PALLD: variants seen among roughly 807,000 people sequenced by gnomAD.
PALLD encodes palladin, cytoskeletal associated protein.
PALLD carries 61 observed loss-of-function variants against 123.5 expected under a neutral mutation model. The ratio of observed to expected loss-of-function variants is 0.49; its 90% CI spans 0.40 to 0.61. The LOEUF (loss-of-function observed/expected upper bound fraction) is 0.61. Among genes scored for constraint, PALLD ranks in the 20% least tolerant of loss-of-function variants. The pLI, the probability that PALLD is intolerant of heterozygous loss-of-function variation, is 0.00. For missense variants in PALLD, 1,273 were observed against 1,377.0 expected, an observed-to-expected ratio of 0.92 and a Z score of 1.20; for synonymous variants, 465 against 496.4, an observed-to-expected ratio of 0.94 and a Z score of 0.84.
At chr4:168,740,546 A>G (rs1788223063) in intron 10 of PALLD, among the ~76,000 whole-genome samples, 1 of 152,172 alleles carries the variant, frequency 6.6e-6, no homozygotes, top group Non-Finnish European at 1.5e-5. Context: ...TCAATCTTGC[A>G]GGCGCTTTCA....
chr4:168,559,437 C>A (rs548559876), intron 2 of PALLD, among the ~76,000 whole-genome samples: 2 of 152,124 alleles, frequency 1.3e-5, no homozygotes, highest in Non-Finnish European at 2.9e-5. Flanking sequence ...TATGCCCCCA[C>A]CTTGACACTG....
chr4:168,524,297 G>C (rs1234047757), intron 2 of PALLD, among the ~76,000 whole-genome samples: 1 of 152,096 alleles, frequency 6.6e-6, no homozygotes, highest in Non-Finnish European at 1.5e-5. Flanking sequence ...GTATCTAGTG[G>C]TGATTTCATG....
intron 10 of PALLD, among the ~76,000 whole-genome samples, chr4:168,748,848 A>C (rs1311024731): frequency 6.6e-6 from 1 of 152,162 alleles, no homozygotes; most frequent in Non-Finnish European, 1.5e-5. Flanking sequence ...ACAGTGTGGC[A>C]ATTTGCTGCT....
At chr4:168,917,145 T>C (rs1415784265) in intron 17 of PALLD, among the ~76,000 whole-genome samples, 10 of 149,276 alleles carry the variant, frequency 6.7e-5, no homozygotes, top group African/African-American at 9.9e-5. Flanking sequence ...ACCTCCCAGG[T>C]TCAAGTGATT....
chr4:168,681,754 T>G (rs1057065970), intron 4 of PALLD, among the ~76,000 whole-genome samples: 2 of 151,898 alleles, frequency 1.3e-5, no homozygotes, highest in Non-Finnish European at 2.9e-5. Flanking sequence ...CACTGTGTTG[T>G]CCAGGCTCAT....
intron 10 of PALLD, among the ~76,000 whole-genome samples, chr4:168,761,660 T>TTTTTTTG (rs1732930435): frequency 8.8e-5 from 11 of 125,140 alleles, no homozygotes; most frequent in Non-Finnish European, 3.3e-5. Context: ...TTTTTTTTTT[T>TTTTTTTG]TTTTTTTTTT....
chr4:168,511,918 A>AAAGGCTGAAAAGCGT lies in PALLD; in HGVS notation c.415_429dup (p.Lys139_Arg143dup). On this transcript the variant is annotated inframe_insertion, in exon 2 of 22. Coordinates refer to ENST00000505667, the MANE Select transcript of PALLD (RefSeq NM_001166108.2). ...GGCCCAGCTACATCCGGAGCCTCCG[A>AAAGGCTGAAAAGCGT]AAGGCTGAAAAGCGTGGTGCAAAAA... 2 of 1,614,214 alleles carry AAAGGCTGAAAAGCGT rather than the reference A, an allele frequency of 1.2e-6. No homozygotes were observed. The highest frequency in any genetic ancestry group is 1.7e-6 in the Non-Finnish European group (2 of 1,180,032).
intron 2 of PALLD, among the ~76,000 whole-genome samples, chr4:168,585,885 T>C (rs529701669): frequency 6.6e-6 from 1 of 152,312 alleles, no homozygotes; most frequent in Admixed American, 6.5e-5. Flanking sequence ...ATTAAAGTAT[T>C]GGATCCAGGG....
chr4:168,670,780 A>T (rs1324220093), intron 3 of PALLD, among the ~76,000 whole-genome samples: 1 of 136,836 alleles, frequency 7.3e-6, no homozygotes, highest in African/African-American at 3.1e-5. Context: ...AAAAACAAAA[A>T]AAAAAAAACA....
intron 4 of PALLD, among the ~76,000 whole-genome samples, chr4:168,682,524 C>T (rs1395694064): frequency 2.0e-5 from 3 of 151,974 alleles, no homozygotes; most frequent in East Asian, 3.8e-4. Flanking sequence ...TCCAAGATAC[C>T]GACAACAAAA....
intron 8 of PALLD, among the ~76,000 whole-genome samples, chr4:168,708,098 T>C (rs1380611050): frequency 6.6e-6 from 1 of 152,182 alleles, no homozygotes; most frequent in Non-Finnish European, 1.5e-5. Context: ...TGTGTGACCT[T>C]GGGCAAGTGA....
intron 2 of PALLD, among the ~76,000 whole-genome samples, chr4:168,609,044 T>C (rs566865288): frequency 6.6e-6 from 1 of 152,148 alleles, no homozygotes; most frequent in South Asian, 2.1e-4. Context: ...GCATTACCTC[T>C]CCATAAAATT....
intron 10 of PALLD, among the ~76,000 whole-genome samples, chr4:168,804,685 A>T (rs1487002585): frequency 6.6e-6 from 1 of 152,238 alleles, no homozygotes; most frequent in Admixed American, 6.5e-5. Flanking sequence ...GGAAATTAGT[A>T]TTTCTGTTGG....
rs1397671323 is a variant in PALLD at position 168,878,202 on chromosome 4, T to A, written c.1965-12720T>A. The stretch of plus-strand genomic sequence containing the variant: ...TTCAGCCCCACGGCTGCCTTCCCGG[T>A]GCCCGACGTGTTCCCACTGCCGCCG... On this transcript the variant is annotated intron_variant, in intron 10 of 21. Coordinates refer to ENST00000505667, the MANE Select transcript of PALLD (RefSeq NM_001166108.2). The A allele has an allele frequency of 1.8e-5, 26 of 1,413,114 alleles. No homozygotes were observed. The highest frequency in any genetic ancestry group is 2.4e-5 in the Non-Finnish European group (26 of 1,078,738). The allele number at this position is 1,413,114 out of a possible 1,614,324, so 87.5% of individuals were successfully genotyped here. A position where few individuals can be genotyped will look rare whatever the true frequency, so the allele number is the denominator to read the frequency against.
At position 168,926,214 on chromosome 4, in the gene PALLD, C is replaced by G; in HGVS notation, c.*34C>G. 1 of 1,526,708 alleles carries G rather than the reference C, an allele frequency of 6.6e-7. No individual in the cohort carries two copies. Among genetic ancestry groups the G allele is most frequent in the East Asian group, 2.5e-5 (1 of 40,704 alleles). 94.6% of individuals were successfully genotyped at this position (1,526,708 alleles called of 1,614,324 possible). On this transcript the variant is annotated splice_region_variant and 3_prime_UTR_variant, in exon 22 of 22. Transcript: ENST00000505667. Reference sequence around the variant, plus strand: ...TTAATTTACTCTTTTTCTTTGTAGCCCAGTGGCATCAGCAGTCACAGAGCA... The same window carrying G: ...TTAATTTACTCTTTTTCTTTGTAGCGCAGTGGCATCAGCAGTCACAGAGCA...
At chr4:168,744,414 C>G (rs1242062193) in intron 10 of PALLD, among the ~76,000 whole-genome samples, 1 of 152,120 alleles carries the variant, frequency 6.6e-6, no homozygotes, top group African/African-American at 2.4e-5. Flanking sequence ...TCCACAGCCT[C>G]GAGGTCACAG....
intron 10 of PALLD, among the ~76,000 whole-genome samples, chr4:168,746,678 T>C (rs1036429580): frequency 6.6e-6 from 1 of 152,182 alleles, no homozygotes; most frequent in Non-Finnish European, 1.5e-5. Flanking sequence ...AAAGTTATTA[T>C]TTTTAAATGC....
chr4:168,712,153 G>T (rs1483325355), intron 10 of PALLD: 1 of 585,136 alleles, frequency 1.7e-6, no homozygotes, highest in African/African-American at 1.9e-5. Flanking sequence ...AACTGGTTAT[G>T]GCTGTGAAAA....
At chr4:168,570,106 A>G (rs1316275236) in intron 2 of PALLD, among the ~76,000 whole-genome samples, 2 of 152,164 alleles carry the variant, frequency 1.3e-5, no homozygotes, top group African/African-American at 4.8e-5. Context: ...GAATGCAATA[A>G]CCTTGGTTAT....
Sources: allele counts gnomAD v4.1 joint callset (sites outside exome capture counted in the v4.1 genomes callset), GRCh38; gene constraint gnomAD v4.1.1; transcripts MANE v1.5; gene names NCBI Gene and HGNC (gene_info 2026-07-23, HGNC 2026-07-21).